Variants in GALNT11 observed in about 807,000 individuals in gnomAD.
The protein encoded by GALNT11 is UDP-GalNAc:polypeptide N-acetylgalactosaminyltransferase 11.
A neutral mutation model predicts 72.7 loss-of-function variants in GALNT11; 47 were observed. That is an observed-to-expected ratio of 0.65 (90% confidence interval 0.51 to 0.82). The LOEUF (loss-of-function observed/expected upper bound fraction) is 0.82, where lower values mean the gene tolerates loss of function less well. Among genes scored for constraint, GALNT11 ranks in the 40% least tolerant of loss-of-function variants. GALNT11 has a pLI of 0.00. For synonymous variants in GALNT11, 270 were observed against 286.6 expected (o/e 0.94, Z 0.58); for missense variants, 677 against 778.4 (o/e 0.87, Z 1.55).
chr7:152,088,516 G>GT (rs35740522), intron 1 of GALNT11, among the ~76,000 whole-genome samples: 11,044 of 139,820 alleles, frequency 0.079, 662 homozygotes, highest in East Asian at 0.21. Context: ...TGGTTTCAGG[G>GT]TTTTTTTTTT....
Position 152,033,293 on chromosome 7 carries a change from G to A in GALNT11, c.-39+7409G>A, listed in dbSNP as rs139093367. On this transcript the variant is annotated intron_variant, in intron 1 of 11. Transcript: ENST00000430044. ...AACCACACTGATAACAAGCCCTACC[G>A]GGTGATTGGCCTGCTCCATTTTCTG... 6.4e-3 allele frequency among the ~76,000 whole-genome samples: 970 copies of A among 152,260 alleles called. 10 individuals carry two copies. The highest frequency in any genetic ancestry group is 0.021 in the African/African-American group (880 of 41,548).
At chr7:152,069,712 A>C (rs894042584) in intron 1 of GALNT11, among the ~76,000 whole-genome samples, 1 of 152,196 alleles carries the variant, frequency 6.6e-6, no homozygotes, top group African/African-American at 2.4e-5. Flanking sequence ...CTGCAGTTAC[A>C]ATTACTCCAG....
chr7:152,105,386 A>G lies in GALNT11; in HGVS notation c.712+16A>G. ...CACGCGACAGGTATCACTTCTCGTT[A>G]GCTTTGCTCTACAGGTGTTGGATGA... On this transcript the variant is annotated intron_variant, in intron 5 of 11. Transcript: ENST00000430044. 1 of 1,610,222 alleles carries G rather than the reference A, an allele frequency of 6.2e-7. No homozygotes were observed. The highest frequency in any genetic ancestry group is 1.1e-5 in the South Asian group (1 of 90,254).
chr7:152,078,041 G>T (rs1351145906), intron 1 of GALNT11, among the ~76,000 whole-genome samples: 1 of 151,770 alleles, frequency 6.6e-6, no homozygotes, highest in South Asian at 2.1e-4. Flanking sequence ...TACTGCTGAA[G>T]AGAAAAGTGA....
chr7:152,050,207 G>A (rs2083328676), intron 1 of GALNT11, among the ~76,000 whole-genome samples: 1 of 152,030 alleles, frequency 6.6e-6, no homozygotes, highest in African/African-American at 2.4e-5. Context: ...ACATCTGGGA[G>A]TGTGCTGGGT....
At chr7:152,084,020 T>C (rs1231068151) in intron 1 of GALNT11, among the ~76,000 whole-genome samples, 1 of 152,246 alleles carries the variant, frequency 6.6e-6, no homozygotes, top group African/African-American at 2.4e-5. Flanking sequence ...ATCAATGTTA[T>C]GTTCATTTCA....
intron 1 of GALNT11, among the ~76,000 whole-genome samples, chr7:152,091,995 G>A (rs1003847295): frequency 6.6e-6 from 1 of 152,158 alleles, no homozygotes; most frequent in Non-Finnish European, 1.5e-5. Flanking sequence ...CGGGAAGGCC[G>A]GGAGTGGTTT....
At chr7:152,048,661 C>G (rs866273164) in intron 1 of GALNT11, among the ~76,000 whole-genome samples, 20 of 151,780 alleles carry the variant, frequency 1.3e-4, no homozygotes, top group Admixed American at 1.2e-3. Flanking sequence ...TCCAGAGTAG[C>G]TGGGACTACA....
chr7:152,086,377 C>T (rs2085651253), intron 1 of GALNT11, among the ~76,000 whole-genome samples: 1 of 152,050 alleles, frequency 6.6e-6, no homozygotes, highest in African/African-American at 2.4e-5. Flanking sequence ...CTTCTGAATA[C>T]CATTATGCTT....
chr7:152,035,450 C>T (rs894944300), intron 1 of GALNT11, among the ~76,000 whole-genome samples: 2 of 152,114 alleles, frequency 1.3e-5, no homozygotes, highest in African/African-American at 4.8e-5. Flanking sequence ...GATAGATGGG[C>T]GAGTCTCGCT....
chr7:152,096,089 A>G (rs2086352390), intron 2 of GALNT11, among the ~76,000 whole-genome samples: 1 of 152,232 alleles, frequency 6.6e-6, no homozygotes. Context: ...TTGTATGCTG[A>G]AAACTGTAAA....
chr7:152,119,631 T>C (rs1012436939), intron 10 of GALNT11: 2 of 152,118 alleles, frequency 1.3e-5, no homozygotes, highest in African/African-American at 4.8e-5. Flanking sequence ...TCCCAGCACT[T>C]TGGGAGGATG....
At chr7:152,079,634 C>G (rs912666033) in intron 1 of GALNT11, among the ~76,000 whole-genome samples, 7 of 152,190 alleles carry the variant, frequency 4.6e-5, no homozygotes, top group Non-Finnish European at 7.3e-5. Flanking sequence ...CTGGAATTTG[C>G]TCTGAACCTT....
chr7:152,096,742 G>C (rs1460513540), intron 2 of GALNT11, among the ~76,000 whole-genome samples: 1 of 148,252 alleles, frequency 6.7e-6, no homozygotes, highest in Non-Finnish European at 1.5e-5. Context: ...AGTGAAAAAA[G>C]ACAACCCACA....
chr7:152,070,090 G>A (rs188015476), intron 1 of GALNT11, among the ~76,000 whole-genome samples: 7 of 149,664 alleles, frequency 4.7e-5, no homozygotes, highest in East Asian at 2.0e-4. Context: ...TCCGCCTCCC[G>A]GGTTCACACC....
rs1284233497 is a variant in GALNT11 at position 152,110,635 on chromosome 7, TATC to T, written c.1073_1075del (p.Ser358del). ...ATCTGGGGAGGAGAAAATTTGGAAA[TATC>T]ATTTCGGGTAATTTAATTTTTGCAT... On this transcript the variant is annotated inframe_deletion, in exon 7 of 12. Transcript: ENST00000430044. 6.2e-7 allele frequency: 1 copy of T among 1,604,234 alleles called. No homozygotes were observed. Among genetic ancestry groups the T allele is most frequent in the South Asian group, 1.1e-5 (1 of 89,706 alleles).
At chr7:152,076,379 G>T (rs988889178) in intron 1 of GALNT11, among the ~76,000 whole-genome samples, 13 of 152,164 alleles carry the variant, frequency 8.5e-5, no homozygotes, top group African/African-American at 3.1e-4. Context: ...TTGTGTATTT[G>T]CGAGGTAATC....
intron 1 of GALNT11, among the ~76,000 whole-genome samples, chr7:152,047,772 A>G (rs963936799): frequency 6.6e-6 from 1 of 150,622 alleles, no homozygotes; most frequent in Admixed American, 6.6e-5. Flanking sequence ...TTTTACCTTC[A>G]TTACATTTTA....
chr7:152,053,770 G>A (rs1053152491), intron 1 of GALNT11, among the ~76,000 whole-genome samples: 2 of 152,162 alleles, frequency 1.3e-5, no homozygotes, highest in Non-Finnish European at 2.9e-5. Context: ...AAGGTGGGAG[G>A]ATCACTTGAG....
Sources: gnomAD v4.1 joint callset for allele counts (sites outside exome capture counted in the v4.1 genomes callset) on GRCh38, gnomAD v4.1.1 for gene constraint, MANE v1.5 for transcripts, NCBI Gene and HGNC (gene_info 2026-07-23, HGNC 2026-07-21) for gene names.